Variants in HSD17B14 observed in about 807,000 individuals in gnomAD.
HSD17B14 encodes the protein hydroxysteroid 17-beta dehydrogenase 14, also known as L-fucose dehydrogenase.
Under a neutral mutation model 32.2 loss-of-function variants are expected in HSD17B14, and 32 were observed. The observed-to-expected ratio is 0.99, with a 90% CI of 0.75 to 1.33. The LOEUF (loss-of-function observed/expected upper bound fraction) is 1.33. Ranked by LOEUF, HSD17B14 falls within the 40% of genes most tolerant of loss-of-function variation. HSD17B14 has a pLI of 0.00. For missense variants in HSD17B14, 370 were observed against 366.5 expected (o/e 1.01, Z -0.08); for synonymous variants, 140 against 155.4 (o/e 0.90, Z 0.74).
chr19:48,826,542 T>TATATAC lies in HSD17B14; in HGVS notation c.369+5125_369+5126insGTATAT. Among the ~76,000 whole-genome samples, 60 of 80,118 alleles carry TATATAC rather than the reference T, an allele frequency of 7.5e-4. 2 individuals carry two copies. The highest frequency in any genetic ancestry group is 2.8e-3 in the East Asian group (6 of 2,160). 52.6% of individuals were successfully genotyped at this position (80,118 alleles called of 152,430 possible). ...GAAAAGAAGAAAATATATATATATA[T>TATATAC]ACACACACACACACACACACACACA... On this transcript the variant is annotated intron_variant, in intron 5 of 8. Transcript: ENST00000263278.
intron 5 of HSD17B14, among the ~76,000 whole-genome samples, chr19:48,820,648 C>A (rs985461606): frequency 2.0e-5 from 3 of 150,584 alleles, no homozygotes; most frequent in African/African-American, 7.3e-5. Flanking sequence ...TCTCCTGCCT[C>A]AGCCTCCCGA....
rs755655870 is a variant in HSD17B14, at chr19:48,813,471, C to G, written c.624G>C (p.Glu208Asp). ...LMPDPRATIR[E>D]GMLAQPLGRM... Reference sequence around the variant, plus strand: ...CCACTTCTACCTGGGCCAGCATGCCCTCTCGGATTGTGGCCCTAGGGTCTG... The same window carrying G: ...CCACTTCTACCTGGGCCAGCATGCCGTCTCGGATTGTGGCCCTAGGGTCTG... Residue 208 changes from glutamate (E) to aspartate (D), a missense_variant, in exon 8 of 9, where the codon GAG becomes GAC. By Grantham distance (45) the Glu-to-Asp change is conservative (BLOSUM62 2). Coordinates refer to ENST00000263278, the MANE Select transcript of HSD17B14 (RefSeq NM_016246.3). 6 of 1,612,812 alleles carry G rather than the reference C, an allele frequency of 3.7e-6. No homozygotes were observed. The highest frequency in any genetic ancestry group is 4.2e-6 in the Non-Finnish European group (5 of 1,179,526).
chr19:48,819,492 G>T (rs2035111005), intron 5 of HSD17B14, among the ~76,000 whole-genome samples: 1 of 152,148 alleles, frequency 6.6e-6, no homozygotes, highest in Non-Finnish European at 1.5e-5. Flanking sequence ...TCAAGGCCCT[G>T]CCTGATCTGG....
chr19:48,828,230 C>T (rs1274138220), intron 5 of HSD17B14, among the ~76,000 whole-genome samples: 1 of 152,138 alleles, frequency 6.6e-6, no homozygotes, highest in East Asian at 1.9e-4. Flanking sequence ...CAGGAATTGT[C>T]ATTGGTTTAC....
At position 48,836,325 on chromosome 19, in the gene HSD17B14, G is replaced by A; in HGVS notation, c.87C>T (p.Phe29=). The change falls in exon 1 of 9, where the codon TTC becomes TTT. Residue 29 remains phenylalanine (F), a splice_region_variant and synonymous_variant. Transcript: ENST00000263278. ...TCCCAGCAGTCAGACCCGGCTCACC[G>A]AAGGCGCGCACGATCCCAGCTCCGA... ...RGIGAGIVRA[F]VNSGARVVIC... The A allele has an allele frequency of 6.2e-7, 1 of 1,608,558 alleles. No individual in the cohort carries two copies. The highest frequency in any genetic ancestry group is 1.4e-5 in the African/African-American group (1 of 73,234).
chr19:48,826,542 T>TATATATATATACACACACAC, intron 5 of HSD17B14, among the ~76,000 whole-genome samples: 5 of 80,120 alleles, frequency 6.2e-5, no homozygotes, highest in African/African-American at 2.6e-4. Context: ...TATATATATA[T>TATATATATATACACACACAC]ACACACACAC....
At chr19:48,821,834 GTGA>G (rs2035155099) in intron 5 of HSD17B14, among the ~76,000 whole-genome samples, 1 of 151,692 alleles carries the variant, frequency 6.6e-6, no homozygotes, top group African/African-American at 2.4e-5. Flanking sequence ...GGTGAAGATG[GTGA>G]TGATGGTGAG....
At chr19:48,819,703 C>A (rs1045170489) in intron 5 of HSD17B14, among the ~76,000 whole-genome samples, 2 of 152,210 alleles carry the variant, frequency 1.3e-5, no homozygotes, top group African/African-American at 2.4e-5. Flanking sequence ...AGGTCACACT[C>A]TCCCAGAACC....
chr19:48,820,100 T>C (rs1036628745), intron 5 of HSD17B14, among the ~76,000 whole-genome samples: 1 of 152,088 alleles, frequency 6.6e-6, no homozygotes, highest in African/African-American at 2.4e-5. Context: ...AGGGCTTCAA[T>C]GAACTATGAT....
chr19:48,833,309 G>A (rs776503759), intron 3 of HSD17B14, among the ~76,000 whole-genome samples: 1 of 151,870 alleles, frequency 6.6e-6, no homozygotes, highest in East Asian at 1.9e-4. Flanking sequence ...CAGAGAGCGC[G>A]TAGGGGACAG....
At position 48,834,375 on chromosome 19, in the gene HSD17B14, G is replaced by C; in HGVS notation, c.128-17C>G. 6.3e-7 allele frequency: 1 copy of C among 1,598,944 alleles called. No individual in the cohort carries two copies. Among genetic ancestry groups the C allele is most frequent in the Non-Finnish European group, 8.6e-7 (1 of 1,168,746 alleles). On this transcript the variant is annotated splice_polypyrimidine_tract_variant and intron_variant, in intron 2 of 8. Transcript: ENST00000263278. ...CCCCAGACTCTGCAGGGAGAGAAGAGCTGGGAGCCTGGACCCCTGGGTCTC... is the reference window on the plus strand; with the variant it reads ...CCCCAGACTCTGCAGGGAGAGAAGACCTGGGAGCCTGGACCCCTGGGTCTC...
At position 48,831,651 on chromosome 19, in the gene HSD17B14, G is replaced by C. The variant is rs370250393; in HGVS notation, c.369+17C>G. ...AGGAGGCTGCTCGGGCCTGGCGGCA[G>C]GGTCGCCAGCCCTCACCTTGGTCAA... On this transcript the variant is annotated intron_variant, in intron 5 of 8. Coordinates refer to ENST00000263278, the MANE Select transcript of HSD17B14 (RefSeq NM_016246.3). 4.4e-5 allele frequency: 71 copies of C among 1,595,914 alleles called. No individual in the cohort carries two copies. In the East Asian group the frequency reaches 6.7e-4, roughly 15 times the overall value.
At chr19:48,832,581 G>C in intron 4 of HSD17B14, 85 bp downstream of exon 4, 1 of 1,192,638 alleles carries the variant, frequency 8.4e-7, no homozygotes, top group Non-Finnish European at 1.2e-6. Flanking sequence ...GAGGGAATCA[G>C]GGGCAGGGAG....
chr19:48,813,770 G>T, intron 6 of HSD17B14, 40 bp from the exon 7 acceptor site: 1 of 1,607,670 alleles, frequency 6.2e-7, no homozygotes, highest in South Asian at 1.1e-5. Context: ...CAGTCCCCGG[G>T]ACATGGGGTC....
chr19:48,827,923 C>T (rs1244168247), intron 5 of HSD17B14, among the ~76,000 whole-genome samples: 4 of 149,856 alleles, frequency 2.7e-5, no homozygotes, highest in Non-Finnish European at 3.0e-5. Flanking sequence ...GATGCAATCT[C>T]GGCTCACTGC....
intron 5 of HSD17B14, among the ~76,000 whole-genome samples, chr19:48,826,542 T>TATATATATATATATATATATACAC: frequency 2.2e-4 from 18 of 80,112 alleles, no homozygotes; most frequent in African/African-American, 6.8e-4. Flanking sequence ...TATATATATA[T>TATATATATATATATATATATACAC]ACACACACAC....
intron 2 of HSD17B14, 99 bp downstream of exon 2, chr19:48,835,706 G>A (rs2035493274): frequency 5.8e-6 from 7 of 1,208,462 alleles, no homozygotes; most frequent in East Asian, 2.3e-5. Context: ...GGGCCTGGGG[G>A]CCTGGACTCC....
chr19:48,814,372 T>A (rs1375889149), intron 6 of HSD17B14, among the ~76,000 whole-genome samples: 1 of 147,454 alleles, frequency 6.8e-6, no homozygotes, highest in African/African-American at 2.5e-5. Flanking sequence ...AATACAAAAA[T>A]CTAGCTGGGC....
intron 2 of HSD17B14, 68 bp from the exon 3 acceptor site, chr19:48,834,426 C>T (rs113545131): frequency 0.13 from 124,271 of 960,644 alleles, 12,846 homozygotes; most frequent in African/African-American, 0.49. Flanking sequence ...GGGACTTGGA[C>T]TCCTGGGTCT....
Sources: allele counts gnomAD v4.1 joint callset (sites outside exome capture counted in the v4.1 genomes callset), GRCh38; gene constraint gnomAD v4.1.1; transcripts MANE v1.5; gene names NCBI Gene and HGNC (gene_info 2026-07-23, HGNC 2026-07-21).